RERG: variants seen among roughly 807,000 people sequenced by gnomAD.
RERG encodes RAS like estrogen regulated growth inhibitor, also known as ras-related and estrogen-regulated growth inhibitor.
A neutral mutation model predicts 23.2 loss-of-function variants in RERG; 25 were observed. That is an observed-to-expected ratio of 1.08 (90% CI 0.79 to 1.50). The LOEUF (loss-of-function observed/expected upper bound fraction) is 1.50, where lower values mean the gene tolerates loss of function less well. Ranked by LOEUF, RERG falls within the 40% of genes most tolerant of loss-of-function variation. The probability of loss-of-function intolerance (pLI) is 0.00; values close to 1 mark genes in which losing one functional copy is unlikely to be tolerated. For missense variants in RERG, 253 were observed against 250.1 expected, an observed-to-expected ratio of 1.01 and a Z score of -0.08; for synonymous variants, 81 against 89.1, an observed-to-expected ratio of 0.91 and a Z score of 0.51.
At chr12:15,166,123 A>G (rs1864683515) in intron 2 of RERG, among the ~76,000 whole-genome samples, 1 of 152,204 alleles carries the variant, frequency 6.6e-6, no homozygotes, top group Admixed American at 6.5e-5. Flanking sequence ...AGAAATTCCA[A>G]AGATATTTTT....
At chr12:15,197,326 T>C (rs1370100316) in intron 2 of RERG, among the ~76,000 whole-genome samples, 1 of 152,158 alleles carries the variant, frequency 6.6e-6, no homozygotes, top group Non-Finnish European at 1.5e-5. Context: ...AACAATTCAA[T>C]GTGAAACAAT....
At chr12:15,156,681 T>A (rs1239208452) in intron 2 of RERG, among the ~76,000 whole-genome samples, 1 of 152,184 alleles carries the variant, frequency 6.6e-6, no homozygotes, top group Non-Finnish European at 1.5e-5. Flanking sequence ...GTGCAACAAA[T>A]GATGCAAGAG....
intron 2 of RERG, among the ~76,000 whole-genome samples, chr12:15,145,810 C>G (rs554193160): frequency 7.2e-5 from 11 of 152,334 alleles, no homozygotes; most frequent in Non-Finnish European, 1.5e-4. Flanking sequence ...AAGTTTTAGG[C>G]TGAATTCACG....
At position 15,187,903 on chromosome 12, in the gene RERG, T is replaced by C. The variant is rs190274018; in HGVS notation, c.61+29526A>G. ...ATACTAGATGAATTACAGACTTTAT[T>C]ATAATTTTATGAGACTACATATTGT... On this transcript the variant is annotated intron_variant, in intron 2 of 4. Coordinates refer to ENST00000256953, the MANE Select transcript of RERG (RefSeq NM_032918.3). Among the ~76,000 whole-genome samples, 105 of 152,182 alleles carry C rather than the reference T, an allele frequency of 6.9e-4. 1 individual carries two copies. The highest frequency in any genetic ancestry group is 2.6e-4 in the Non-Finnish European group (18 of 68,018).
At chr12:15,196,860 A>C (rs905074927) in intron 2 of RERG, among the ~76,000 whole-genome samples, 1 of 152,144 alleles carries the variant, frequency 6.6e-6, no homozygotes, top group Non-Finnish European at 1.5e-5. Context: ...GCTGACACTG[A>C]AACGAAACAG....
At chr12:15,162,628 C>A (rs1864631124) in intron 2 of RERG, among the ~76,000 whole-genome samples, 1 of 152,140 alleles carries the variant, frequency 6.6e-6, no homozygotes, top group Admixed American at 6.5e-5. Flanking sequence ...AGCAGAGAAG[C>A]CTTTCTTCTA....
chr12:15,175,331 C>CTGTGTG (rs1231946873), intron 2 of RERG, among the ~76,000 whole-genome samples: 12 of 109,372 alleles, frequency 1.1e-4, no homozygotes, highest in South Asian at 2.8e-4. Flanking sequence ...TACTCTCAGG[C>CTGTGTG]TCTGTGTGTG....
At chr12:15,154,399 A>T (rs1439543294) in intron 2 of RERG, 1 of 152,230 alleles carries the variant, frequency 6.6e-6, no homozygotes, top group Non-Finnish European at 1.5e-5. Flanking sequence ...TCTGTTGGAA[A>T]AACTCACATA....
In RERG at chr12:15,217,548, T is replaced by G; in HGVS notation, c.-59A>C. 2 of 1,233,286 alleles carry G rather than the reference T, an allele frequency of 1.6e-6. No individual in the cohort carries two copies. The highest frequency in any genetic ancestry group is 2.4e-6 in the Non-Finnish European group (2 of 833,068). The allele number at this position is 1,233,286 out of a possible 1,614,324, so 76.4% of individuals were successfully genotyped here. A position where few individuals can be genotyped will look rare whatever the true frequency, so the allele number is the denominator to read the frequency against. Reference sequence around the variant, plus strand: ...AACTAAAGCACTGAGTAAATCTTTTTGGTTCCAGTCTTTGGATTCACCATA... The same window carrying G: ...AACTAAAGCACTGAGTAAATCTTTTGGGTTCCAGTCTTTGGATTCACCATA... On this transcript the variant is annotated 5_prime_UTR_variant, in exon 2 of 5. Coordinates refer to ENST00000256953, the MANE Select transcript of RERG (RefSeq NM_032918.3).
chr12:15,178,007 C>A (rs1046390244), intron 2 of RERG, among the ~76,000 whole-genome samples: 1 of 152,012 alleles, frequency 6.6e-6, no homozygotes, highest in Non-Finnish European at 1.5e-5. Flanking sequence ...ATCCCTAGAT[C>A]TCTACTTTTT....
chr12:15,144,179 C>T (rs764869759), intron 2 of RERG, among the ~76,000 whole-genome samples: 57 of 152,084 alleles, frequency 3.7e-4, no homozygotes, highest in Non-Finnish European at 7.2e-4. Flanking sequence ...AGAAAGACTG[C>T]AGGAAAAGCA....
At chr12:15,120,938 A>G (rs1424921991) in intron 3 of RERG, 125 bp downstream of exon 3, 2 of 740,612 alleles carry the variant, frequency 2.7e-6, no homozygotes, top group Non-Finnish European at 4.7e-6. Context: ...GCTTCTTTGC[A>G]TGATTTGAAA....
chr12:15,194,487 GGAA>G (rs1865115684), intron 2 of RERG, among the ~76,000 whole-genome samples: 1 of 132,308 alleles, frequency 7.6e-6, no homozygotes, highest in South Asian at 2.7e-4. Context: ...ACAAAGAAGA[GGAA>G]GAAGGAGCCC....
intron 2 of RERG, among the ~76,000 whole-genome samples, chr12:15,199,764 C>G (rs1023836724): frequency 2.0e-5 from 3 of 151,992 alleles, no homozygotes; most frequent in Non-Finnish European, 2.9e-5. Flanking sequence ...GCAGTTAATG[C>G]AGTGTCTTTA....
chr12:15,162,803 C>T (rs1864633698), intron 2 of RERG, among the ~76,000 whole-genome samples: 1 of 152,152 alleles, frequency 6.6e-6, no homozygotes, highest in Non-Finnish European at 1.5e-5. Context: ...AAAATTATCT[C>T]AGAAAGGTAA....
intron 2 of RERG, among the ~76,000 whole-genome samples, chr12:15,161,159 A>G (rs893981009): frequency 8.1e-6 from 1 of 122,840 alleles, no homozygotes; most frequent in Non-Finnish European, 1.7e-5. Context: ...AGAAAGAAAG[A>G]AAGAAAGAAA....
At chr12:15,166,541 GTAGTGGTGT>G (rs1864694339) in intron 2 of RERG, among the ~76,000 whole-genome samples, 3 of 134,162 alleles carry the variant, frequency 2.2e-5, no homozygotes, top group Admixed American at 1.7e-4. Flanking sequence ...GGTGGTGGTG[GTAGTGGTGT>G]TGGTGGTGGT....
intron 2 of RERG, among the ~76,000 whole-genome samples, chr12:15,156,874 G>C (rs1864530162): frequency 6.6e-6 from 1 of 152,136 alleles, no homozygotes; most frequent in African/African-American, 2.4e-5. Context: ...CTCTAAGCCT[G>C]TATCTGAGCT....
At chr12:15,169,519 G>A (rs1038230741) in intron 2 of RERG, among the ~76,000 whole-genome samples, 9 of 151,088 alleles carry the variant, frequency 6.0e-5, no homozygotes, top group African/African-American at 2.2e-4. Context: ...CTCAGACACA[G>A]ACTGGAATCT....
Sources: allele counts gnomAD v4.1 joint callset (sites outside exome capture counted in the v4.1 genomes callset), GRCh38; gene constraint gnomAD v4.1.1; transcripts MANE v1.5; gene names NCBI Gene and HGNC (gene_info 2026-07-23, HGNC 2026-07-21).